The following MFAP1 variants were observed in gnomAD, a reference collection of about 807,000 sequenced individuals.
The protein encoded by MFAP1 is microfibrillar-associated protein 1.
Under a neutral mutation model 62.2 loss-of-function variants are expected in MFAP1, and 18 were observed. The ratio of observed to expected loss-of-function variants is 0.29; its 90% CI spans 0.20 to 0.43. MFAP1 has a LOEUF of 0.43. Among genes scored for constraint, MFAP1 ranks in the 20% least tolerant of loss-of-function variants. The probability of loss-of-function intolerance (pLI) is 1.00; values close to 1 mark genes in which losing one functional copy is unlikely to be tolerated. For synonymous variants in MFAP1, 175 were observed against 180.4 expected (o/e 0.97, Z 0.24); for missense variants, 355 against 559.7 (o/e 0.63, Z 3.69).
At position 43,813,305 on chromosome 15, in the gene MFAP1, C is replaced by G; in HGVS notation, c.670G>C (p.Glu224Gln). The G allele has an allele frequency of 6.2e-7, 1 of 1,612,128 alleles. No individual in the cohort carries two copies. The highest frequency in any genetic ancestry group is 1.7e-5 in the Admixed American group (1 of 59,072). Reference sequence around the variant, plus strand: ...ATGCGTTTTGCTTCCTGCTCCAGCTCCTTCTGTTTCAATGCTTCGGCTTCA... The same window carrying G: ...ATGCGTTTTGCTTCCTGCTCCAGCTGCTTCTGTTTCAATGCTTCGGCTTCA... ...EREAEALKQK[E>Q]LEQEAKRMAE... Residue 224 changes from glutamate (E) to glutamine (Q), a missense_variant, in exon 5 of 9, where the codon GAG becomes CAG. Transcript: ENST00000267812.
intron 6 of MFAP1, 154 bp from the exon 7 acceptor site, chr15:43,810,068 CAAAT>C: frequency 7.1e-6 from 6 of 849,508 alleles, no homozygotes; most frequent in Non-Finnish European, 9.0e-6. Flanking sequence ...GCTCAATAAA[CAAAT>C]GGGTGAGTTA....
chr15:43,818,567 C>T (rs1240686421), intron 1 of MFAP1, among the ~76,000 whole-genome samples: 2 of 149,708 alleles, frequency 1.3e-5, no homozygotes, highest in Non-Finnish European at 3.0e-5. Flanking sequence ...TAGAATTTAG[C>T]CCAAGACTAG....
intron 1 of MFAP1, among the ~76,000 whole-genome samples, chr15:43,824,129 A>G (rs1365558531): frequency 3.3e-5 from 5 of 151,408 alleles, no homozygotes; most frequent in Non-Finnish European, 2.9e-5. Flanking sequence ...TAGTGATATT[A>G]TATTCTAATC....
At chr15:43,814,414 G>T in intron 4 of MFAP1, 87 bp downstream of exon 4, 1 of 1,440,658 alleles carries the variant, frequency 6.9e-7, no homozygotes, top group Non-Finnish European at 9.4e-7. Flanking sequence ...TTAGATTTCA[G>T]AATAGCAAGA....
At chr15:43,820,065 G>A (rs924333381) in intron 1 of MFAP1, among the ~76,000 whole-genome samples, 2 of 152,156 alleles carry the variant, frequency 1.3e-5, no homozygotes, top group Non-Finnish European at 2.9e-5. Flanking sequence ...GGAGAATGGC[G>A]TGAACCCGGG....
At chr15:43,809,294 A>G (rs1199950373) in intron 7 of MFAP1, among the ~76,000 whole-genome samples, 1 of 151,088 alleles carries the variant, frequency 6.6e-6, no homozygotes, top group African/African-American at 2.4e-5. Context: ...CCTGGGCAAC[A>G]TAGTGAAACC....
rs1238598458 is a variant in MFAP1 at position 43,804,629 on chromosome 15, A to G, written c.*465T>C. 1 of 153,160 alleles carries G rather than the reference A, an allele frequency of 6.5e-6. No homozygotes were observed. Among genetic ancestry groups the G allele is most frequent in the Non-Finnish European group, 1.5e-5 (1 of 68,750 alleles). 9.5% of individuals were successfully genotyped at this position (153,160 alleles called of 1,614,324 possible). ...TTGACATGCACACATATATGGATCAAAAAGTATGTACAACTAGAAAAACGG... is the reference window on the plus strand; with the variant it reads ...TTGACATGCACACATATATGGATCAGAAAGTATGTACAACTAGAAAAACGG... On this transcript the variant is annotated 3_prime_UTR_variant, in exon 9 of 9. Transcript: ENST00000267812.
chr15:43,809,724 C>A, intron 7 of MFAP1, 31 bp downstream of exon 7: 2 of 1,603,056 alleles, frequency 1.2e-6, no homozygotes, highest in Non-Finnish European at 8.5e-7. Flanking sequence ...TTCCTACTGC[C>A]CAATTTTCTG....
chr15:43,821,602 G>A (rs1287020916), intron 1 of MFAP1, among the ~76,000 whole-genome samples: 1 of 152,006 alleles, frequency 6.6e-6, no homozygotes, highest in African/African-American at 2.4e-5. Flanking sequence ...AAATGGATGG[G>A]GTGAGAAGGG....
chr15:43,824,369 G>A, intron 1 of MFAP1, 122 bp downstream of exon 1: 1 of 948,104 alleles, frequency 1.1e-6, no homozygotes, highest in Non-Finnish European at 1.6e-6. Context: ...AAAGATCGAA[G>A]AATCTGGCAG....
chr15:43,804,953 TG>T lies in MFAP1; in HGVS notation c.*140del. 1.1e-6 allele frequency: 1 copy of T among 912,956 alleles called. No homozygotes were observed. The highest frequency in any genetic ancestry group is 1.6e-6 in the Non-Finnish European group (1 of 616,886). The allele number at this position is 912,956 out of a possible 1,614,324, so 56.6% of individuals were successfully genotyped here. On this transcript the variant is annotated 3_prime_UTR_variant, in exon 9 of 9. Transcript: ENST00000267812. ...AACCTCACAAAGCACCTTCAAAGTC[TG>T]GGCTACCCAGTATCACAAGTATAGC...
chr15:43,819,532 A>G (rs1163095098), intron 1 of MFAP1, among the ~76,000 whole-genome samples: 1 of 151,978 alleles, frequency 6.6e-6, no homozygotes, highest in African/African-American at 2.4e-5. Flanking sequence ...CTATTTATTT[A>G]TTTATTTATT....
At chr15:43,810,443 T>G (rs1480982198) in intron 6 of MFAP1, among the ~76,000 whole-genome samples, 2 of 151,604 alleles carry the variant, frequency 1.3e-5, no homozygotes, top group Non-Finnish European at 2.9e-5. Flanking sequence ...CTTGGCTCAC[T>G]GCAAGCTCCG....
At chr15:43,818,234 T>C (rs1596058405) in intron 1 of MFAP1, among the ~76,000 whole-genome samples, 2 of 152,178 alleles carry the variant, frequency 1.3e-5, no homozygotes, top group Non-Finnish European at 2.9e-5. Flanking sequence ...TTAGCCATGA[T>C]GGTCTCGATC....
chr15:43,814,863 T>C (rs1173647159), intron 3 of MFAP1, 82 bp downstream of exon 3: 1 of 1,570,834 alleles, frequency 6.4e-7, no homozygotes, highest in Non-Finnish European at 8.6e-7. Flanking sequence ...TGATCTCATG[T>C]TTTTAAGGCT....
At chr15:43,821,018 T>G (rs1417917664) in intron 1 of MFAP1, among the ~76,000 whole-genome samples, 1 of 152,078 alleles carries the variant, frequency 6.6e-6, no homozygotes, top group East Asian at 1.9e-4. Flanking sequence ...TGAGCCTCCC[T>G]CTTCAGCCTC....
intron 4 of MFAP1, among the ~76,000 whole-genome samples, chr15:43,814,056 C>G (rs1249877083): frequency 6.6e-6 from 1 of 151,976 alleles, no homozygotes; most frequent in Non-Finnish European, 1.5e-5. Context: ...GAGTTCGAGA[C>G]CAGCCTGACC....
At chr15:43,812,016 C>A (rs930328376) in intron 6 of MFAP1, among the ~76,000 whole-genome samples, 2 of 151,888 alleles carry the variant, frequency 1.3e-5, no homozygotes, top group African/African-American at 2.4e-5. Flanking sequence ...ATGGTGAAAC[C>A]CTGTCTGTAC....
intron 1 of MFAP1, among the ~76,000 whole-genome samples, chr15:43,818,130 C>T (rs1015855265): frequency 1.3e-5 from 2 of 149,978 alleles, no homozygotes; most frequent in African/African-American, 4.9e-5. Flanking sequence ...AGTGATTCTT[C>T]TGCCTCAGCT....
Sources: gnomAD v4.1 joint callset for allele counts (sites outside exome capture counted in the v4.1 genomes callset) on GRCh38, gnomAD v4.1.1 for gene constraint, MANE v1.5 for transcripts, NCBI Gene and HGNC (gene_info 2026-07-23, HGNC 2026-07-21) for gene names.